Variants in RPL36 observed in about 807,000 individuals in gnomAD.
RPL36 encodes large ribosomal subunit protein eL36.
For synonymous variants in RPL36, 74 were observed against 56.0 expected, an observed-to-expected ratio of 1.32 and a Z score of -1.44; for missense variants, 131 against 144.9, an observed-to-expected ratio of 0.90 and a Z score of 0.49.
Position 5,691,837 on chromosome 19 carries a change from T to C in RPL36, c.*216T>C. 1 of 801,406 alleles carries C rather than the reference T, an allele frequency of 1.2e-6. No individual in the cohort carries two copies. Among genetic ancestry groups the C allele is most frequent in the Non-Finnish European group, 2.0e-6 (1 of 512,222 alleles). The allele number at this position is 801,406 out of a possible 1,614,324, so 49.6% of individuals were successfully genotyped here. ...GCAGCAGGTGAGGAAGCCGCCGTACTGCAAATGACTTTAATCATTAAATAG... is the reference window on the plus strand; with the variant it reads ...GCAGCAGGTGAGGAAGCCGCCGTACCGCAAATGACTTTAATCATTAAATAG... On this transcript the variant is annotated 3_prime_UTR_variant, in exon 4 of 4. Coordinates refer to ENST00000347512, the MANE Select transcript of RPL36 (RefSeq NM_033643.3).
intron 3 of RPL36, 37 bp from the exon 4 acceptor site, chr19:5,691,495 G>A (rs762942104): frequency 3.7e-6 from 6 of 1,607,738 alleles, no homozygotes; most frequent in South Asian, 3.3e-5. Flanking sequence ...TGGGATGGGA[G>A]TCAGGGCCGG....
At chr19:5,691,011 C>T (rs1327594553) in intron 2 of RPL36, 1 of 545,722 alleles carries the variant, frequency 1.8e-6, no homozygotes, top group Non-Finnish European at 3.3e-6. Context: ...GGAGTTCGCT[C>T]ATGGAGCTGG....
At chr19:5,690,758 C>T (rs2054806850) in intron 2 of RPL36, 158 bp downstream of exon 2, 3 of 666,396 alleles carry the variant, frequency 4.5e-6, no homozygotes, top group South Asian at 1.8e-5. Context: ...GACTTCCTGC[C>T]TGGTGCTCGA....
intron 2 of RPL36, 175 bp from the exon 3 acceptor site, chr19:5,691,144 G>A (rs1338971831): frequency 7.2e-6 from 6 of 838,810 alleles, no homozygotes; most frequent in East Asian, 2.6e-5. Flanking sequence ...TGGGACTTAG[G>A]GAGGATGGGA....
chr19:5,691,491 G>C (rs1227503657), intron 3 of RPL36, 38 bp downstream of exon 3: 1 of 1,607,684 alleles, frequency 6.2e-7, no homozygotes, highest in East Asian at 2.2e-5. Context: ...GGGGTGGGAT[G>C]GGAGTCAGGG....
At chr19:5,691,108 G>C (rs1048202535) in intron 2 of RPL36, 32 of 662,166 alleles carry the variant, frequency 4.8e-5, no homozygotes, top group Non-Finnish European at 8.1e-5. Flanking sequence ...CAGACTCCAG[G>C]TGCGTCCTGC....
chr19:5,691,640 C>G lies in RPL36; in HGVS notation c.*19C>G, dbSNP rs745952475. The G allele has an allele frequency of 6.3e-7, 1 of 1,590,570 alleles. No homozygotes were observed. The highest frequency in any genetic ancestry group is 8.6e-7 in the Non-Finnish European group (1 of 1,169,518). Reference sequence around the variant, plus strand: ...AGACTGAGCCCCTCCCCTGCCCTCTCCCTGAAATAAAGAACAGCTTGACAG... The same window carrying G: ...AGACTGAGCCCCTCCCCTGCCCTCTGCCTGAAATAAAGAACAGCTTGACAG... On this transcript the variant is annotated 3_prime_UTR_variant, in exon 4 of 4. Coordinates refer to ENST00000347512, the MANE Select transcript of RPL36 (RefSeq NM_033643.3).
In RPL36 at chr19:5,691,314, C is replaced by G. The variant is rs202040140; in HGVS notation, c.94-5C>G. On this transcript the variant is annotated splice_polypyrimidine_tract_variant and splice_region_variant and intron_variant, in intron 2 of 3. Coordinates refer to ENST00000347512, the MANE Select transcript of RPL36 (RefSeq NM_033643.3). ...TACCCTGACGGCCGCCCCTTTCCCC[C>G]CTAGCGTCTGACCAAACACACCAAG... 1.2e-5 allele frequency: 19 copies of G among 1,609,206 alleles called. No homozygotes were observed. In the East Asian group the frequency reaches 1.8e-4, roughly 15 times the overall value.
chr19:5,690,430 C>A, intron 1 of RPL36, 76 bp from the exon 2 acceptor site: 2 of 1,155,982 alleles, frequency 1.7e-6, no homozygotes, highest in Non-Finnish European at 2.5e-6. Flanking sequence ...GCTGAAGGAG[C>A]CGGGACGCGG....
intron 2 of RPL36, 184 bp downstream of exon 2, chr19:5,690,784 T>A: frequency 1.6e-6 from 1 of 636,870 alleles, no homozygotes; most frequent in Non-Finnish European, 2.8e-6. Context: ...GGCACCCATC[T>A]GGGTTTTTCC....
intron 2 of RPL36, 30 bp from the exon 3 acceptor site, chr19:5,691,277 CAGGGATCCCCCT>C: frequency 6.2e-7 from 1 of 1,611,604 alleles, no homozygotes; most frequent in Non-Finnish European, 8.5e-7. Context: ...AACTAGAATG[CAGGGATCCCCCT>C]ACCCTGACGG....
Position 5,691,704 on chromosome 19 carries a change from T to C in RPL36, c.*83T>C, listed in dbSNP as rs2054823990. 7.9e-6 allele frequency: 11 copies of C among 1,397,030 alleles called. No homozygotes were observed. Among genetic ancestry groups the C allele is most frequent in the Non-Finnish European group, 9.9e-6 (10 of 1,010,550 alleles). The allele number at this position is 1,397,030 out of a possible 1,614,324, so 86.5% of individuals were successfully genotyped here. ...CCTGCTGTCCGTGGGTGGGTGTGGG[T>C]GTGTCGGGGGCCCGCAGTCCCCTGT... On this transcript the variant is annotated 3_prime_UTR_variant, in exon 4 of 4. Transcript: ENST00000347512.
Position 5,691,739 on chromosome 19 carries a change from G to A in RPL36, c.*118G>A, listed in dbSNP as rs566393925. On this transcript the variant is annotated 3_prime_UTR_variant, in exon 4 of 4. Coordinates refer to ENST00000347512, the MANE Select transcript of RPL36 (RefSeq NM_033643.3). Reference sequence around the variant, plus strand: ...GCCCGCAGTCCCCTGTCTGGTGCCCGCTCTGAGCCACACCCTCTCCGGGTG... The same window carrying A: ...GCCCGCAGTCCCCTGTCTGGTGCCCACTCTGAGCCACACCCTCTCCGGGTG... 3 of 1,124,412 alleles carry A rather than the reference G, an allele frequency of 2.7e-6. No individual in the cohort carries two copies. The highest frequency in any genetic ancestry group is 3.9e-6 in the Non-Finnish European group (3 of 766,034). The allele number at this position is 1,124,412 out of a possible 1,614,324, so 69.7% of individuals were successfully genotyped here. A position where few individuals can be genotyped will look rare whatever the true frequency, so the allele number is the denominator to read the frequency against.
In RPL36 at chr19:5,690,559, A is replaced by T. The variant is rs2054803833; in HGVS notation, c.52A>T (p.Thr18Ser). The T allele has an allele frequency of 6.4e-7, 1 of 1,572,116 alleles. No individual in the cohort carries two copies. Among genetic ancestry groups the T allele is most frequent in the Non-Finnish European group, 8.6e-7 (1 of 1,159,508 alleles). The change falls in exon 2 of 4, where the codon ACC becomes TCC. Residue 18 changes from threonine (T) to serine (S), a missense_variant. Coordinates refer to ENST00000347512, the MANE Select transcript of RPL36 (RefSeq NM_033643.3). ...AVGLNKGHKV[T>S]KNVSKPRHSR... ...GGGCCTCAACAAGGGCCACAAAGTG[A>T]CCAAGAACGTGAGCAAGCCCAGGCA...
At position 5,690,680 on chromosome 19, in the gene RPL36, T is replaced by C. The variant is rs960653696; in HGVS notation, c.93+80T>C. Reference sequence around the variant, plus strand: ...ATGGCTTGGGCAAAGGCTCTCGACCTGAAAGAACGCGCGTTCGGGCGCAGA... The same window carrying C: ...ATGGCTTGGGCAAAGGCTCTCGACCCGAAAGAACGCGCGTTCGGGCGCAGA... On this transcript the variant is annotated intron_variant, in intron 2 of 3. Transcript: ENST00000347512. The C allele has an allele frequency of 1.0e-5, 12 of 1,173,496 alleles. No individual in the cohort carries two copies. The East Asian group carries it at 3.1e-4, about 30-fold the overall frequency. 72.7% of individuals were successfully genotyped at this position (1,173,496 alleles called of 1,614,324 possible).
chr19:5,690,380 C>T (rs2054800705), intron 1 of RPL36, 53 bp downstream of exon 1: 5 of 755,558 alleles, frequency 6.6e-6, no homozygotes, highest in South Asian at 4.4e-5. Context: ...CTCCCGGGTC[C>T]TCTGTGCAGG....
At chr19:5,690,724 G>C in intron 2 of RPL36, 124 bp downstream of exon 2, 1 of 773,162 alleles carries the variant, frequency 1.3e-6, no homozygotes, top group Non-Finnish European at 2.2e-6. Flanking sequence ...GGGCTTGAAT[G>C]GAAGAGATGG....
intron 2 of RPL36, chr19:5,690,843 C>T (rs754809074): frequency 3.0e-5 from 18 of 590,748 alleles, no homozygotes; most frequent in South Asian, 3.0e-4. Flanking sequence ...GAGAGCGGCG[C>T]GGGGCAGCGG....
chr19:5,691,072 T>C (rs2054811267), intron 2 of RPL36: 2 of 594,738 alleles, frequency 3.4e-6, no homozygotes, highest in African/African-American at 1.9e-5. Flanking sequence ...GTCAGTGTAT[T>C]GGGCGCCTTT....
Sources: gnomAD v4.1 joint callset for allele counts on GRCh38, gnomAD v4.1.1 for gene constraint, MANE v1.5 for transcripts, NCBI Gene and HGNC (gene_info 2026-07-23, HGNC 2026-07-21) for gene names.